Variants in GPC5 observed in about 807,000 individuals in gnomAD.
GPC5 encodes glypican 5.
Under a neutral mutation model 53.9 loss-of-function variants are expected in GPC5, and 47 were observed. The observed-to-expected ratio is 0.87, with a 90% confidence interval of 0.69 to 1.11. GPC5 has a LOEUF of 1.11. GPC5 is among the 50% of genes most tolerant of loss of function. The pLI is 0.00. For missense variants in GPC5, 748 were observed against 713.1 expected (o/e 1.05, Z -0.56); for synonymous variants, 286 against 263.3 (o/e 1.09, Z -0.84).
chr13:92,550,610 G>A (rs1882279055), intron 7 of GPC5, among the ~76,000 whole-genome samples: 1 of 151,664 alleles, frequency 6.6e-6, no homozygotes, highest in Non-Finnish European at 1.5e-5. Context: ...TGAAAAAGGG[G>A]TATTAAAAAA....
chr13:91,595,838 C>T (rs1429543425), intron 2 of GPC5, among the ~76,000 whole-genome samples: 1 of 152,194 alleles, frequency 6.6e-6, no homozygotes, highest in African/African-American at 2.4e-5. Context: ...GGCTTGCTGT[C>T]CCCACCATTC....
intron 1 of GPC5, among the ~76,000 whole-genome samples, chr13:91,427,963 C>A (rs1193202234): frequency 6.6e-6 from 1 of 152,136 alleles, no homozygotes; most frequent in Non-Finnish European, 1.5e-5. Context: ...GTAAGACGTG[C>A]CTCTTCCCCT....
chr13:91,596,204 T>C (rs1392890272), intron 2 of GPC5, among the ~76,000 whole-genome samples: 1 of 152,196 alleles, frequency 6.6e-6, no homozygotes, highest in South Asian at 2.1e-4. Flanking sequence ...CTTTTTGATA[T>C]ATATTTTTTC....
At chr13:91,782,283 A>AAT (rs2138723631) in intron 5 of GPC5, among the ~76,000 whole-genome samples, 1 of 152,298 alleles carries the variant, frequency 6.6e-6, no homozygotes, top group East Asian at 1.9e-4. Flanking sequence ...AGTGAACGGT[A>AAT]GGTGGATTAG....
intron 7 of GPC5, among the ~76,000 whole-genome samples, chr13:92,165,167 G>C (rs1297748675): frequency 6.6e-6 from 1 of 152,130 alleles, no homozygotes; most frequent in Non-Finnish European, 1.5e-5. Context: ...CTCATTACTT[G>C]TGCAAATTTC....
intron 7 of GPC5, among the ~76,000 whole-genome samples, chr13:92,339,629 A>C (rs2139246413): frequency 6.6e-6 from 1 of 152,232 alleles, no homozygotes; most frequent in Admixed American, 6.6e-5. Context: ...TACACAATGA[A>C]AAATGTTCTG....
intron 7 of GPC5, among the ~76,000 whole-genome samples, chr13:92,325,777 A>G (rs1305313813): frequency 6.6e-6 from 1 of 152,088 alleles, no homozygotes; most frequent in African/African-American, 2.4e-5. Context: ...CATTTATATA[A>G]AAGACTAAGA....
intron 2 of GPC5, among the ~76,000 whole-genome samples, chr13:91,506,724 TTTAAA>T: frequency 1.0e-5 from 1 of 96,234 alleles, no homozygotes; most frequent in East Asian, 3.9e-4. Context: ...TTTAAACATA[TTTAAA>T]GTAAAAGCAC....
At chr13:91,728,151 C>T (rs1025287171) in intron 3 of GPC5, among the ~76,000 whole-genome samples, 4 of 152,092 alleles carry the variant, frequency 2.6e-5, no homozygotes, top group East Asian at 3.8e-4. Flanking sequence ...CCATATTCAA[C>T]AGCAACTTAT....
At chr13:91,454,301 T>G (rs1881388582) in intron 2 of GPC5, among the ~76,000 whole-genome samples, 1 of 152,072 alleles carries the variant, frequency 6.6e-6, no homozygotes, top group African/African-American at 2.4e-5. Context: ...TAGAAAAATA[T>G]TAACTATAGA....
At chr13:92,090,918 T>A (rs1039389601) in intron 6 of GPC5, among the ~76,000 whole-genome samples, 1 of 152,214 alleles carries the variant, frequency 6.6e-6, no homozygotes, top group Admixed American at 6.5e-5. Flanking sequence ...AGTGTTCTTA[T>A]AGGAAAAGAA....
chr13:91,987,722 A>G lies in GPC5; in HGVS notation c.1401+79665A>G, dbSNP rs1260293788. On this transcript the variant is annotated intron_variant, in intron 6 of 7. Transcript: ENST00000377067. Reference sequence around the variant, plus strand: ...CACTTAGCCACTCTCTAGATTTCACAATAGTATATAAATACTATATATAGT... The same window carrying G: ...CACTTAGCCACTCTCTAGATTTCACGATAGTATATAAATACTATATATAGT... 1.4e-4 allele frequency among the ~76,000 whole-genome samples: 20 copies of G among 147,528 alleles called. No individual in the cohort carries two copies. In the East Asian group the frequency reaches 3.5e-3, roughly 26 times the overall value.
At chr13:92,033,499 A>G (rs184622208) in intron 6 of GPC5, among the ~76,000 whole-genome samples, 1 of 152,294 alleles carries the variant, frequency 6.6e-6, no homozygotes, top group East Asian at 1.9e-4. Flanking sequence ...TTCCCACTGA[A>G]CATACCAGGA....
chr13:91,567,884 C>T (rs942466607), intron 2 of GPC5, among the ~76,000 whole-genome samples: 8 of 152,164 alleles, frequency 5.3e-5, no homozygotes, highest in Middle Eastern at 3.2e-3. Context: ...CCGCATGTGG[C>T]GGAACAGACC....
At chr13:92,674,664 G>A (rs557967084) in intron 7 of GPC5, among the ~76,000 whole-genome samples, 14 of 152,016 alleles carry the variant, frequency 9.2e-5, no homozygotes, top group Admixed American at 4.6e-4. Context: ...CTAATTTCTA[G>A]AAGGGCTTCA....
intron 7 of GPC5, among the ~76,000 whole-genome samples, chr13:92,738,517 G>T (rs1000428635): frequency 3.3e-5 from 5 of 152,034 alleles, no homozygotes; most frequent in African/African-American, 4.8e-5. Context: ...TTTAGGAAAT[G>T]ATAATGTTAT....
chr13:92,433,239 T>C (rs1399287681), intron 7 of GPC5, among the ~76,000 whole-genome samples: 1 of 151,422 alleles, frequency 6.6e-6, no homozygotes, highest in Admixed American at 6.6e-5. Flanking sequence ...GAAGATCAGG[T>C]TACATTCTTC....
intron 6 of GPC5, among the ~76,000 whole-genome samples, chr13:91,932,079 C>A (rs1300492653): frequency 6.6e-6 from 1 of 151,982 alleles, no homozygotes; most frequent in Admixed American, 6.6e-5. Flanking sequence ...GGGATGATTT[C>A]CTCATGCTTC....
At chr13:91,535,179 G>T (rs954501465) in intron 2 of GPC5, among the ~76,000 whole-genome samples, 1 of 151,980 alleles carries the variant, frequency 6.6e-6, no homozygotes, top group African/African-American at 2.4e-5. Flanking sequence ...TTTCTCTCTT[G>T]TTTCTCTGAC....
Sources: allele counts gnomAD v4.1 joint callset (sites outside exome capture counted in the v4.1 genomes callset), GRCh38; gene constraint gnomAD v4.1.1; transcripts MANE v1.5; gene names NCBI Gene and HGNC (gene_info 2026-07-23, HGNC 2026-07-21).